Variants in ARHGEF3 observed in about 807,000 individuals in gnomAD.
ARHGEF3 encodes 59.8 kDA protein.
A neutral mutation model predicts 63.2 loss-of-function variants in ARHGEF3; 28 were observed. The ratio of observed to expected loss-of-function variants is 0.44; its 90% CI spans 0.33 to 0.61. The LOEUF (loss-of-function observed/expected upper bound fraction) is 0.61. Among genes scored for constraint, ARHGEF3 ranks in the 20% least tolerant of loss-of-function variants. The pLI, the probability that ARHGEF3 is intolerant of heterozygous loss-of-function variation, is 0.03. For synonymous variants in ARHGEF3, 266 were observed against 254.2 expected (o/e 1.05, Z -0.44); for missense variants, 533 against 659.3 (o/e 0.81, Z 2.10).
chr3:56,845,492 T>A (rs1184441865), intron 4 of ARHGEF3, among the ~76,000 whole-genome samples: 6 of 152,228 alleles, frequency 3.9e-5, no homozygotes, highest in African/African-American at 1.4e-4. Context: ...GATACCTGAA[T>A]TGAAATGAGT....
intron 2 of ARHGEF3, among the ~76,000 whole-genome samples, chr3:56,998,105 C>T (rs1012922521): frequency 3.3e-5 from 5 of 152,198 alleles, no homozygotes; most frequent in African/African-American, 1.2e-4. Context: ...ACATCGCAAA[C>T]TGCTGCTCGC....
chr3:56,866,306 G>T (rs1192767921), intron 4 of ARHGEF3, among the ~76,000 whole-genome samples: 4 of 152,162 alleles, frequency 2.6e-5, no homozygotes, highest in African/African-American at 4.8e-5. Context: ...ATCAATAAAA[G>T]GTATTTTCAA....
intron 4 of ARHGEF3, among the ~76,000 whole-genome samples, chr3:56,823,317 TCA>T (rs1311538215): frequency 6.6e-6 from 1 of 152,234 alleles, no homozygotes; most frequent in Non-Finnish European, 1.5e-5. Flanking sequence ...TGAAATCCTC[TCA>T]CAGGTCATTT....
intron 2 of ARHGEF3, among the ~76,000 whole-genome samples, chr3:56,996,678 T>C (rs1347810498): frequency 1.3e-5 from 2 of 152,132 alleles, no homozygotes; most frequent in African/African-American, 2.4e-5. Context: ...ACTCTCTTTA[T>C]GATGTATTGC....
At chr3:56,827,704 T>G (rs1218486418) in intron 4 of ARHGEF3, among the ~76,000 whole-genome samples, 2 of 116,768 alleles carry the variant, frequency 1.7e-5, no homozygotes, top group Non-Finnish European at 3.2e-5. Flanking sequence ...TACTTGAGCC[T>G]AAGAGTTCAG....
At chr3:56,964,350 CAAAAA>C (rs11347724) in intron 2 of ARHGEF3, among the ~76,000 whole-genome samples, 1 of 101,134 alleles carries the variant, frequency 9.9e-6, no homozygotes, top group Admixed American at 1.0e-4. Context: ...AAGACTGTCT[CAAAAA>C]AAAAAAAAAA....
chr3:56,857,306 C>T (rs2039921011), intron 4 of ARHGEF3, among the ~76,000 whole-genome samples: 1 of 152,182 alleles, frequency 6.6e-6, no homozygotes. Context: ...CCCCGTTCAT[C>T]CCCAAGGCAG....
chr3:57,030,986 G>A (rs1703707482), intron 2 of ARHGEF3, among the ~76,000 whole-genome samples: 1 of 152,222 alleles, frequency 6.6e-6, no homozygotes, highest in Non-Finnish European at 1.5e-5. Context: ...GGGATTCCAG[G>A]GAGCCCCAGT....
At chr3:56,872,831 C>T (rs1325487200) in intron 4 of ARHGEF3, among the ~76,000 whole-genome samples, 1 of 152,150 alleles carries the variant, frequency 6.6e-6, no homozygotes, top group Non-Finnish European at 1.5e-5. Context: ...TTTAAAATTA[C>T]ATGATCAATT....
chr3:57,074,143 A>G (rs767241191), intron 1 of ARHGEF3: 1 of 1,614,040 alleles, frequency 6.2e-7, no homozygotes, highest in Non-Finnish European at 8.5e-7. Context: ...CTGTGTGAGG[A>G]TATAGATGCC....
intron 4 of ARHGEF3, among the ~76,000 whole-genome samples, chr3:56,834,076 G>A (rs1471232725): frequency 6.6e-6 from 1 of 151,900 alleles, no homozygotes; most frequent in African/African-American, 2.4e-5. Context: ...GCTAATTTTT[G>A]TATTTTTTAG....
At chr3:56,880,131 G>T (rs536744787) in intron 4 of ARHGEF3, among the ~76,000 whole-genome samples, 9 of 152,276 alleles carry the variant, frequency 5.9e-5, no homozygotes, top group African/African-American at 1.9e-4. Context: ...GGCAATAAAT[G>T]GTGGAAACTC....
chr3:56,796,009 C>T (rs999003842), intron 1 of ARHGEF3, among the ~76,000 whole-genome samples: 2 of 151,650 alleles, frequency 1.3e-5, no homozygotes, highest in Admixed American at 6.6e-5. Flanking sequence ...ATAGAAACCA[C>T]TGGCTTTCAC....
chr3:56,874,866 C>G (rs1004538398), intron 4 of ARHGEF3, among the ~76,000 whole-genome samples: 1 of 152,136 alleles, frequency 6.6e-6, no homozygotes, highest in Non-Finnish European at 1.5e-5. Flanking sequence ...CTCTCTGGCT[C>G]TCAGTTACCT....
At chr3:56,916,363 C>A in intron 3 of ARHGEF3, 3 of 1,534,532 alleles carry the variant, frequency 2.0e-6, no homozygotes, top group Non-Finnish European at 1.7e-6. Flanking sequence ...ACCTCATCCA[C>A]CCGGACTCAC....
At chr3:56,914,021 C>T (rs1366294213) in intron 3 of ARHGEF3, among the ~76,000 whole-genome samples, 1 of 152,124 alleles carries the variant, frequency 6.6e-6, no homozygotes, top group Non-Finnish European at 1.5e-5. Context: ...TGAAGTAACT[C>T]AGGAATGGAA....
chr3:56,811,408 G>T (rs2038059403), intron 4 of ARHGEF3, among the ~76,000 whole-genome samples: 2 of 152,180 alleles, frequency 1.3e-5, no homozygotes, highest in African/African-American at 4.8e-5. Flanking sequence ...ATGGGCAGAA[G>T]ACTTTAATTA....
At chr3:56,933,618 C>T (rs912142123) in intron 3 of ARHGEF3, among the ~76,000 whole-genome samples, 13 of 152,014 alleles carry the variant, frequency 8.6e-5, no homozygotes, top group African/African-American at 3.1e-4. Context: ...CAGGATTTCA[C>T]GATGTTACCC....
intron 2 of ARHGEF3, among the ~76,000 whole-genome samples, chr3:57,023,725 G>A (rs1300333980): frequency 6.6e-6 from 1 of 152,126 alleles, no homozygotes; most frequent in Non-Finnish European, 1.5e-5. Context: ...CTTCCACATG[G>A]TTTGCTCTTT....
Sources: gnomAD v4.1 joint callset for allele counts (sites outside exome capture counted in the v4.1 genomes callset) on GRCh38, gnomAD v4.1.1 for gene constraint, MANE v1.5 for transcripts, NCBI Gene and HGNC (gene_info 2026-07-23, HGNC 2026-07-21) for gene names.